The following ITSN2 variants were observed in gnomAD, a reference collection of about 807,000 sequenced individuals.
The protein encoded by ITSN2 is intersectin 2.
A neutral mutation model predicts 243.7 loss-of-function variants in ITSN2; 156 were observed. That is an observed-to-expected ratio of 0.64 (90% CI 0.56 to 0.73). The LOEUF (loss-of-function observed/expected upper bound fraction) is 0.73. ITSN2 is among the 30% of genes least tolerant of loss of function. The pLI, the probability that ITSN2 is intolerant of heterozygous loss-of-function variation, is 0.00. For synonymous variants in ITSN2, 703 were observed against 699.9 expected, an observed-to-expected ratio of 1.00 and a Z score of -0.07; for missense variants, 1,801 against 1,996.1, an observed-to-expected ratio of 0.90 and a Z score of 1.86.
rs1268928806 is a variant in ITSN2 at position 24,257,893 on chromosome 2, C to G, written c.2883G>C (p.Arg961=). 6.2e-7 allele frequency: 1 copy of G among 1,611,970 alleles called. No homozygotes were observed. Among genetic ancestry groups the G allele is most frequent in the South Asian group, 1.1e-5 (1 of 91,010 alleles). The change falls in exon 23 of 40, where the codon CGG becomes CGC. Residue 961 remains arginine, a synonymous_variant. Coordinates refer to ENST00000355123, the MANE Select transcript of ITSN2 (RefSeq NM_006277.3). The stretch of plus-strand genomic sequence containing the variant: ...AAACACATAAAGATGCTTACTCTTC[C>G]CGTTTTACTTCACTCCCAGGAATGA... The part of the protein sequence containing the change: ...VKIIPGSEVK[R]EEPEALYAAV...
chr2:24,348,449 C>G (rs1227073653), intron 1 of ITSN2, among the ~76,000 whole-genome samples: 1 of 152,116 alleles, frequency 6.6e-6, no homozygotes, highest in Admixed American at 6.5e-5. Context: ...CTCAGCTTCC[C>G]AAAGTGCTAG....
intron 33 of ITSN2, 112 bp downstream of exon 33, chr2:24,212,538 A>G: frequency 2.7e-6 from 2 of 751,210 alleles, no homozygotes; most frequent in South Asian, 1.7e-5. Flanking sequence ...GCGGTGTCAC[A>G]CTGTGTGCAG....
chr2:24,300,201 A>G (rs1387417620), intron 11 of ITSN2, 30 bp from the exon 12 acceptor site: 4 of 1,610,360 alleles, frequency 2.5e-6, no homozygotes, highest in South Asian at 1.1e-5. Context: ...CAGCATCCAC[A>G]CACATTAACA....
intron 29 of ITSN2, among the ~76,000 whole-genome samples, chr2:24,236,044 A>T (rs562588889): frequency 3.2e-4 from 49 of 152,350 alleles, no homozygotes; most frequent in Admixed American, 7.8e-4. Context: ...AAAAACTTGT[A>T]GACAAATGTT....
rs915475175 is a variant in ITSN2, at chr2:24,211,792, C to A, written c.4090-845G>T. On this transcript the variant is annotated intron_variant, in intron 33 of 39. Coordinates refer to ENST00000355123, the MANE Select transcript of ITSN2 (RefSeq NM_006277.3). The surrounding 1 kb of genome is among the most constrained non-coding windows in gnomAD (Gnocchi z 4.1). ...TCTGGTTGTAAGTGCTACCCTAAGGCTCAGTTGAGGAGTCATATATTATAT... is the reference window on the plus strand; with the variant it reads ...TCTGGTTGTAAGTGCTACCCTAAGGATCAGTTGAGGAGTCATATATTATAT... 2.0e-5 allele frequency among the ~76,000 whole-genome samples: 3 copies of A among 152,174 alleles called. No homozygotes were observed. Among genetic ancestry groups the A allele is most frequent in the Admixed American group, 6.5e-5 (1 of 15,280 alleles).
In ITSN2 at chr2:24,290,028, G is replaced by T. The variant is rs149534020; in HGVS notation, c.1723+3660C>A. 1.5e-3 allele frequency among the ~76,000 whole-genome samples: 226 copies of T among 152,244 alleles called. 1 individual carries two copies. The highest frequency in any genetic ancestry group is 5.1e-3 in the African/African-American group (213 of 41,536). ...TTTTTGAGAGTTTTTATCATGAAAA[G>T]ATGTTAAACCTTGTCAAATACTCGT... On this transcript the variant is annotated intron_variant, in intron 15 of 39. Coordinates refer to ENST00000355123, the MANE Select transcript of ITSN2 (RefSeq NM_006277.3).
chr2:24,326,664 A>C (rs1268288810), intron 2 of ITSN2: 2 of 169,062 alleles, frequency 1.2e-5, no homozygotes, highest in African/African-American at 4.8e-5. Flanking sequence ...ACTCACATTA[A>C]TCCTTAAATA....
intron 37 of ITSN2, chr2:24,206,370 CGGGAAGGAAGGTGGAGATGCAGGGGG>C: frequency 4.0e-6 from 1 of 252,054 alleles, no homozygotes; most frequent in Non-Finnish European, 8.4e-6. Context: ...GGGGGCCCGG[CGGGAAGGAAGGTGGAGATGCAGGGGG>C]CCGGCGGGGA....
intron 1 of ITSN2, among the ~76,000 whole-genome samples, chr2:24,332,000 T>C (rs1463003560): frequency 6.6e-6 from 1 of 152,162 alleles, no homozygotes; most frequent in Non-Finnish European, 1.5e-5. Flanking sequence ...TCCCAGCACT[T>C]TGGGAGGCCA....
chr2:24,324,602 C>CA, intron 2 of ITSN2, among the ~76,000 whole-genome samples: 1 of 152,124 alleles, frequency 6.6e-6, no homozygotes, highest in African/African-American at 2.4e-5. Flanking sequence ...CACAGCCCAG[C>CA]ACTTCAGAAG....
At chr2:24,214,283 TTTGC>T (rs1176348308) in intron 32 of ITSN2, 1 of 152,212 alleles carries the variant, frequency 6.6e-6, no homozygotes, top group Non-Finnish European at 1.5e-5. Flanking sequence ...CATGGCTACT[TTTGC>T]TTTATAGAAT....
Position 24,203,513 on chromosome 2 carries a change from G to T in ITSN2, c.*113C>A. 1 of 1,076,732 alleles carries T rather than the reference G, an allele frequency of 9.3e-7. No individual in the cohort carries two copies. The highest frequency in any genetic ancestry group is 1.3e-6 in the Non-Finnish European group (1 of 761,958). 66.7% of individuals were successfully genotyped at this position (1,076,732 alleles called of 1,614,324 possible). Reference sequence around the variant, plus strand: ...GAAAACAGAGCCCCCAGCGTGCATGGCTTTGTGAGGGGTGAAGCTGCATGG... The same window carrying T: ...GAAAACAGAGCCCCCAGCGTGCATGTCTTTGTGAGGGGTGAAGCTGCATGG... On this transcript the variant is annotated 3_prime_UTR_variant, in exon 40 of 40. Coordinates refer to ENST00000355123, the MANE Select transcript of ITSN2 (RefSeq NM_006277.3).
intron 2 of ITSN2, among the ~76,000 whole-genome samples, chr2:24,316,512 A>T (rs1187633135): frequency 6.6e-6 from 1 of 152,184 alleles, no homozygotes; most frequent in African/African-American, 2.4e-5. Context: ...TGATCTCCTG[A>T]CCTCATGATC....
intron 1 of ITSN2, among the ~76,000 whole-genome samples, chr2:24,345,065 G>C (rs1687398468): frequency 6.6e-6 from 1 of 152,022 alleles, no homozygotes; most frequent in Admixed American, 6.6e-5. Flanking sequence ...AAATTCTTAT[G>C]ACATTTTACA....
At chr2:24,252,050 C>A (rs1205510604) in intron 25 of ITSN2, among the ~76,000 whole-genome samples, 1 of 152,114 alleles carries the variant, frequency 6.6e-6, no homozygotes, top group Admixed American at 6.6e-5. Context: ...TCTCTGAATC[C>A]AGATCTACTT....
At position 24,244,100 on chromosome 2, in the gene ITSN2, T is replaced by C. The variant is rs185530868; in HGVS notation, c.3577+2029A>G. Reference sequence around the variant, plus strand: ...GAAGCATTTTCTGGGCAAAAGTAATTTGCATGACAAATGTGTCCTTGAATA... The same window carrying C: ...GAAGCATTTTCTGGGCAAAAGTAATCTGCATGACAAATGTGTCCTTGAATA... On this transcript the variant is annotated intron_variant, in intron 29 of 39. Transcript: ENST00000355123. Among the ~76,000 whole-genome samples, 3 of 152,316 alleles carry C rather than the reference T, an allele frequency of 2.0e-5. 1 individual carries two copies. Among genetic ancestry groups the C allele is most frequent in the East Asian group, 3.9e-4 (2 of 5,188 alleles).
intron 17 of ITSN2, among the ~76,000 whole-genome samples, chr2:24,284,528 T>C (rs975854967): frequency 2.0e-5 from 3 of 152,184 alleles, no homozygotes; most frequent in African/African-American, 7.2e-5. Context: ...CTAAGTGTCC[T>C]GGACTTCTTT....
At chr2:24,274,232 T>C (rs544932386) in intron 18 of ITSN2, among the ~76,000 whole-genome samples, 14 of 152,168 alleles carry the variant, frequency 9.2e-5, no homozygotes, top group Non-Finnish European at 1.9e-4. Flanking sequence ...TTACTTTCTC[T>C]ACTTCTATAT....
At chr2:24,219,032 A>G (rs371089557) in intron 30 of ITSN2, among the ~76,000 whole-genome samples, 140 of 152,246 alleles carry the variant, frequency 9.2e-4, no homozygotes, top group African/African-American at 3.3e-3. Context: ...TTCACACTCC[A>G]GTCACCCTGG....
Sources: allele counts gnomAD v4.1 joint callset (sites outside exome capture counted in the v4.1 genomes callset), GRCh38; gene constraint gnomAD v4.1.1; non-coding constraint Gnocchi (gnomAD v3.1); transcripts MANE v1.5; gene names NCBI Gene and HGNC (gene_info 2026-07-23, HGNC 2026-07-21).